AFF1: variants seen among roughly 807,000 people sequenced by gnomAD.
The protein encoded by AFF1 is AF4/FMR2 family member 1.
In AFF1, 48 loss-of-function variants were observed where a neutral mutation model predicts 121.7. The observed-to-expected ratio is 0.39, with a 90% CI of 0.31 to 0.50. The LOEUF is 0.50. AFF1 is among the 20% of genes least tolerant of loss of function. AFF1 has a pLI of 0.76. For missense variants in AFF1, 1,523 were observed against 1,511.7 expected, an observed-to-expected ratio of 1.01 and a Z score of -0.12; for synonymous variants, 613 against 563.0, an observed-to-expected ratio of 1.09 and a Z score of -1.26.
intron 10 of AFF1, among the ~76,000 whole-genome samples, chr4:87,106,117 T>G (rs1725886983): frequency 6.6e-6 from 1 of 152,190 alleles, no homozygotes; most frequent in Admixed American, 6.5e-5. Context: ...GCGTGCTAGC[T>G]CACGCCTGTA....
intron 4 of AFF1, among the ~76,000 whole-genome samples, chr4:87,065,792 C>A (rs1356061701): frequency 1.9e-5 from 1 of 54,038 alleles, no homozygotes. Context: ...TAAATTTTGC[C>A]CATTATTTTT....
chr4:87,061,176 G>A (rs1015097056), intron 4 of AFF1, among the ~76,000 whole-genome samples: 2 of 152,128 alleles, frequency 1.3e-5, no homozygotes, highest in African/African-American at 2.4e-5. Flanking sequence ...TACTTGGTTC[G>A]TGTTTCTAGT....
intron 1 of AFF1, among the ~76,000 whole-genome samples, chr4:86,940,940 T>C (rs1720411122): frequency 6.6e-6 from 1 of 151,518 alleles, no homozygotes; most frequent in South Asian, 2.1e-4. Flanking sequence ...ATACAAAAAT[T>C]AGCCGGGTAT....
At chr4:87,036,788 C>T in intron 2 of AFF1, 1 of 515,064 alleles carries the variant, frequency 1.9e-6, no homozygotes, top group Non-Finnish European at 3.9e-6. Flanking sequence ...AACATATTCT[C>T]TAATATGGCA....
chr4:86,941,551 G>A (rs1213988004), intron 1 of AFF1, among the ~76,000 whole-genome samples: 1 of 152,130 alleles, frequency 6.6e-6, no homozygotes, highest in East Asian at 1.9e-4. Context: ...CTAGCTACTC[G>A]GGAGGCTGAG....
At chr4:87,066,127 T>C (rs967250532) in intron 4 of AFF1, among the ~76,000 whole-genome samples, 1 of 152,222 alleles carries the variant, frequency 6.6e-6, no homozygotes, top group Non-Finnish European at 1.5e-5. Flanking sequence ...CCATTGCTTG[T>C]AGACCTAATC....
chr4:87,036,697 T>C (rs148313203), intron 2 of AFF1: 378 of 391,166 alleles, frequency 9.7e-4, no homozygotes, highest in African/African-American at 7.0e-3. Context: ...AATAGACTTA[T>C]GAGATCTATT....
At chr4:87,000,752 G>A (rs1339264662) in intron 2 of AFF1, among the ~76,000 whole-genome samples, 1 of 151,896 alleles carries the variant, frequency 6.6e-6, no homozygotes, top group African/African-American at 2.4e-5. Context: ...GGAAGGGCAT[G>A]TTTTATTAAT....
At chr4:86,949,618 C>G (rs1184047917) in intron 2 of AFF1, 1 of 1,443,678 alleles carries the variant, frequency 6.9e-7, no homozygotes, top group Non-Finnish European at 9.4e-7. Flanking sequence ...CACTCCTCCC[C>G]CAGAATGCCA....
chr4:87,069,132 A>G (rs1721696763), intron 4 of AFF1, among the ~76,000 whole-genome samples: 2 of 152,106 alleles, frequency 1.3e-5, no homozygotes, highest in Admixed American at 6.5e-5. Context: ...AAGGATCAAA[A>G]TGACCTCTGT....
At chr4:87,091,239 C>G (rs1044863565) in intron 6 of AFF1, among the ~76,000 whole-genome samples, 1 of 150,344 alleles carries the variant, frequency 6.7e-6, no homozygotes, top group African/African-American at 2.5e-5. Flanking sequence ...ACCGTCTCTA[C>G]TAAAAATACA....
intron 16 of AFF1, 27 bp from the exon 17 acceptor site, chr4:87,131,056 A>T (rs770423034): frequency 1.2e-6 from 2 of 1,612,534 alleles, no homozygotes; most frequent in Non-Finnish European, 1.7e-6. Context: ...TCTTCAGCCT[A>T]ACAATGACCA....
chr4:87,039,465 A>G (rs967259301), intron 2 of AFF1, among the ~76,000 whole-genome samples: 1 of 152,186 alleles, frequency 6.6e-6, no homozygotes, highest in Admixed American at 6.5e-5. Flanking sequence ...AGCTTCATTC[A>G]AGCTCTTGTG....
At chr4:87,116,601 G>C (rs890811643) in intron 12 of AFF1, among the ~76,000 whole-genome samples, 1 of 152,228 alleles carries the variant, frequency 6.6e-6, no homozygotes, top group Non-Finnish European at 1.5e-5. Flanking sequence ...AGATTTGACT[G>C]ATTAATCCAG....
At chr4:86,962,956 A>G (rs1047512823) in intron 2 of AFF1, among the ~76,000 whole-genome samples, 1 of 152,144 alleles carries the variant, frequency 6.6e-6, no homozygotes, top group Non-Finnish European at 1.5e-5. Flanking sequence ...ACTTGAGGCC[A>G]GGAGTTCGAG....
intron 4 of AFF1, among the ~76,000 whole-genome samples, chr4:87,054,094 A>G (rs1015808035): frequency 4.6e-5 from 7 of 152,380 alleles, no homozygotes; most frequent in African/African-American, 1.7e-4. Context: ...CCATAGATCA[A>G]AGGGAATTTT....
intron 8 of AFF1, among the ~76,000 whole-genome samples, chr4:87,097,919 A>G (rs1311016235): frequency 6.6e-6 from 1 of 152,198 alleles, no homozygotes; most frequent in African/African-American, 2.4e-5. Context: ...ATCTATTGTC[A>G]GCATTAGGCT....
intron 14 of AFF1, among the ~76,000 whole-genome samples, 181 bp from the exon 15 acceptor site, chr4:87,126,845 T>C (rs561906382): frequency 7.9e-5 from 12 of 152,310 alleles, no homozygotes; most frequent in Admixed American, 6.5e-4. Flanking sequence ...CCCAGTACAA[T>C]CAGAACCACC....
intron 4 of AFF1, among the ~76,000 whole-genome samples, chr4:87,071,942 T>C (rs1235774781): frequency 1.3e-5 from 2 of 152,182 alleles, no homozygotes; most frequent in Non-Finnish European, 2.9e-5. Flanking sequence ...TCAGGAGCTC[T>C]GGATTAAAGG....
Sources: gnomAD v4.1 joint callset for allele counts (sites outside exome capture counted in the v4.1 genomes callset) on GRCh38, gnomAD v4.1.1 for gene constraint, MANE v1.5 for transcripts, NCBI Gene and HGNC (gene_info 2026-07-23, HGNC 2026-07-21) for gene names.